CALN1: variants seen among roughly 807,000 people sequenced by gnomAD.
CALN1 encodes calcium-binding protein 8.
In CALN1, 17 loss-of-function variants were observed where a neutral mutation model predicts 30.6. The observed-to-expected ratio is 0.56, with a 90% CI of 0.38 to 0.83. CALN1 has a LOEUF of 0.83. CALN1 is among the 40% of genes least tolerant of loss of function. CALN1 has a pLI of 0.00. For missense variants in CALN1, 291 were observed against 354.9 expected (o/e 0.82, Z 1.45); for synonymous variants, 156 against 131.4 (o/e 1.19, Z -1.28).
intron 5 of CALN1, among the ~76,000 whole-genome samples, chr7:71,915,656 CA>C: frequency 6.6e-6 from 1 of 152,284 alleles, no homozygotes; most frequent in Middle Eastern, 3.4e-3. Flanking sequence ...ATCACTTGAA[CA>C]GGGGAGGCGG....
intron 4 of CALN1, among the ~76,000 whole-genome samples, chr7:72,054,932 A>C (rs1803155515): frequency 6.6e-6 from 1 of 152,132 alleles, no homozygotes; most frequent in Non-Finnish European, 1.5e-5. Context: ...AACAAAACAC[A>C]CAGAGCTAGA....
intron 5 of CALN1, among the ~76,000 whole-genome samples, chr7:72,000,353 T>A (rs932093217): frequency 6.6e-6 from 1 of 151,944 alleles, no homozygotes; most frequent in South Asian, 2.1e-4. Context: ...AATATTATTA[T>A]ATATCCTGCA....
At chr7:72,379,376 A>G (rs892304212) in intron 2 of CALN1, among the ~76,000 whole-genome samples, 1 of 152,260 alleles carries the variant, frequency 6.6e-6, no homozygotes, top group African/African-American at 2.4e-5. Context: ...AGTATATCCA[A>G]TTAATGGCAA....
At chr7:72,357,694 T>C (rs1163178693) in intron 2 of CALN1, among the ~76,000 whole-genome samples, 1 of 151,650 alleles carries the variant, frequency 6.6e-6, no homozygotes, top group Admixed American at 6.6e-5. Context: ...TTTAGCCTAA[T>C]CAATAGGCAA....
chr7:71,925,306 G>T (rs989222847), intron 5 of CALN1, among the ~76,000 whole-genome samples: 10 of 140,234 alleles, frequency 7.1e-5, no homozygotes, highest in African/African-American at 2.6e-4. Context: ...AGAAAAGAAA[G>T]AAGAAAGATT....
intron 5 of CALN1, among the ~76,000 whole-genome samples, chr7:71,998,399 G>A: frequency 6.6e-6 from 1 of 151,982 alleles, no homozygotes; most frequent in East Asian, 1.9e-4. Context: ...TAATGATTGA[G>A]ACACAAATTA....
intron 2 of CALN1, among the ~76,000 whole-genome samples, chr7:72,292,594 G>A (rs1798561552): frequency 6.6e-6 from 1 of 151,560 alleles, no homozygotes; most frequent in Non-Finnish European, 1.5e-5. Context: ...GCCAAGGCAG[G>A]TGGATCACTT....
At chr7:72,445,309 C>A (rs1422875325) in intron 1 of CALN1, among the ~76,000 whole-genome samples, 3 of 152,142 alleles carry the variant, frequency 2.0e-5, no homozygotes, top group African/African-American at 7.2e-5. Flanking sequence ...TGTGGACGAA[C>A]CTTCTCCACT....
chr7:72,049,590 C>A (rs1486044710), intron 4 of CALN1, among the ~76,000 whole-genome samples: 3 of 152,150 alleles, frequency 2.0e-5, no homozygotes, highest in Admixed American at 6.5e-5. Flanking sequence ...TCACTGCAAC[C>A]CCTGCCTCCC....
chr7:71,798,485 T>G (rs976064234), intron 6 of CALN1, among the ~76,000 whole-genome samples: 1 of 152,046 alleles, frequency 6.6e-6, no homozygotes. Context: ...TTAAAAAACT[T>G]TTTGTAAAAT....
At chr7:72,047,623 T>G (rs1802555362) in intron 4 of CALN1, among the ~76,000 whole-genome samples, 1 of 152,090 alleles carries the variant, frequency 6.6e-6, no homozygotes, top group Non-Finnish European at 1.5e-5. Flanking sequence ...TGAGCCTGGC[T>G]TCAGTGAGGA....
chr7:71,875,315 C>T (rs1359729159), intron 5 of CALN1, among the ~76,000 whole-genome samples: 3 of 152,120 alleles, frequency 2.0e-5, no homozygotes, highest in African/African-American at 7.2e-5. Flanking sequence ...AAGTATGGGT[C>T]ACACCCAAGT....
the CALN1 span, among the ~76,000 whole-genome samples, chr7:72,480,560 T>C: frequency 1.3e-5 from 2 of 152,210 alleles, no homozygotes; most frequent in African/African-American, 2.4e-5. Context: ...TTGTGTGGTA[T>C]TGGTATTTTT....
intron 3 of CALN1, among the ~76,000 whole-genome samples, chr7:72,264,028 G>A (rs1034034122): frequency 1.3e-5 from 2 of 152,096 alleles, no homozygotes; most frequent in South Asian, 2.1e-4. Context: ...GCTCCTGCAC[G>A]CGGCCCAATA....
intron 3 of CALN1, among the ~76,000 whole-genome samples, chr7:72,135,936 C>T (rs1809478922): frequency 1.3e-5 from 2 of 151,918 alleles, no homozygotes; most frequent in Admixed American, 1.3e-4. Context: ...AGTTCAAGAC[C>T]AGCCTGGTCA....
At chr7:72,035,466 G>A (rs1189020079) in intron 4 of CALN1, among the ~76,000 whole-genome samples, 1 of 152,136 alleles carries the variant, frequency 6.6e-6, no homozygotes, top group Non-Finnish European at 1.5e-5. Flanking sequence ...CTAATAAGGA[G>A]GAACTTACTT....
At chr7:72,218,580 T>G (rs1181444918) in intron 3 of CALN1, among the ~76,000 whole-genome samples, 1 of 152,228 alleles carries the variant, frequency 6.6e-6, no homozygotes, top group African/African-American at 2.4e-5. Flanking sequence ...TGAGAATCTC[T>G]AACCTGACCA....
chr7:72,463,355 C>A, the CALN1 span, among the ~76,000 whole-genome samples: 1 of 152,196 alleles, frequency 6.6e-6, no homozygotes, highest in African/African-American at 2.4e-5. Flanking sequence ...TTTCACCAGG[C>A]TGGTCTCAAA....
At chr7:71,928,357 C>A (rs949676439) in intron 5 of CALN1, among the ~76,000 whole-genome samples, 1 of 151,874 alleles carries the variant, frequency 6.6e-6, no homozygotes, top group Admixed American at 6.6e-5. Context: ...TCCAATCTCT[C>A]CTTGGGAATG....
Sources: gnomAD v4.1 joint callset for allele counts (sites outside exome capture counted in the v4.1 genomes callset) on GRCh38, gnomAD v4.1.1 for gene constraint, MANE v1.5 for transcripts, NCBI Gene and HGNC (gene_info 2026-07-23, HGNC 2026-07-21) for gene names.